NDUFAF6: variants seen among roughly 807,000 people sequenced by gnomAD.
The protein encoded by NDUFAF6 is NADH dehydrogenase (ubiquinone) complex I, assembly factor 6.
Under a neutral mutation model 40.8 loss-of-function variants are expected in NDUFAF6, and 45 were observed. That is an observed-to-expected ratio of 1.10 (90% CI 0.87 to 1.42). NDUFAF6 has a LOEUF of 1.42. NDUFAF6 is among the 40% of genes most tolerant of loss of function. NDUFAF6 has a pLI of 0.00. For missense variants in NDUFAF6, 435 were observed against 418.5 expected (o/e 1.04, Z -0.34); for synonymous variants, 185 against 155.9 (o/e 1.19, Z -1.39).
intron 3 of NDUFAF6, among the ~76,000 whole-genome samples, chr8:95,038,401 C>T (rs560957253): frequency 6.6e-6 from 1 of 151,660 alleles, no homozygotes; most frequent in Non-Finnish European, 1.5e-5. Flanking sequence ...GACAGAGTCT[C>T]ACTCTGTCAC....
rs1197992947 is a variant in NDUFAF6, at chr8:95,006,542, A to G, written c.-83-25453A>G. ...ACATTTACAGCTTTACAGACATGCTATTGTTATAAGTTTACCAAGGCAAGC... is the reference window on the plus strand; with the variant it reads ...ACATTTACAGCTTTACAGACATGCTGTTGTTATAAGTTTACCAAGGCAAGC... On this transcript the variant is annotated intron_variant, in intron 2 of 9. Transcript: ENST00000396111. 2.6e-5 allele frequency among the ~76,000 whole-genome samples: 4 copies of G among 152,078 alleles called. No homozygotes were observed. In the East Asian group the frequency reaches 5.8e-4, roughly 22 times the overall value.
At chr8:95,068,195 C>T (rs1016922091) in intron 9 of NDUFAF6, 3 of 151,820 alleles carry the variant, frequency 2.0e-5, no homozygotes, top group African/African-American at 4.9e-5. Context: ...ATCGCAAAGT[C>T]CCTGGCCAGT....
In NDUFAF6 at chr8:94,940,059, T is replaced by C. The variant is rs374997492; in HGVS notation, c.-935-5424T>C. On this transcript the variant is annotated intron_variant, in intron 1 of 14. Coordinates refer to the NDUFAF6 transcript ENST00000396113. Reference sequence around the variant, plus strand: ...GGGGTGATAAACCAGCTCTCCTCCATTGGACATGACTCAAACTGGAGAAAG... The same window carrying C: ...GGGGTGATAAACCAGCTCTCCTCCACTGGACATGACTCAAACTGGAGAAAG... The C allele has an allele frequency of 3.2e-5, 52 of 1,614,224 alleles. No homozygotes were observed. The highest frequency in any genetic ancestry group is 3.3e-4 in the Middle Eastern group (2 of 6,062).
At chr8:95,081,029 C>A (rs548955491), downstream of NDUFAF6, among the ~76,000 whole-genome samples, 81 of 151,976 alleles carry the variant, frequency 5.3e-4, no homozygotes, top group Non-Finnish European at 9.3e-4. Flanking sequence ...TCTACAAATA[C>A]TGAGCCTGCA....
intron 1 of NDUFAF6, among the ~76,000 whole-genome samples, chr8:94,980,546 C>A (rs1298935071): frequency 7.1e-6 from 1 of 141,786 alleles, no homozygotes; most frequent in Admixed American, 7.5e-5. Context: ...TGGCTCCAAG[C>A]AATTCTCCAG....
chr8:95,056,440 T>G (rs547478459), intron 8 of NDUFAF6, among the ~76,000 whole-genome samples: 3 of 152,022 alleles, frequency 2.0e-5, no homozygotes, highest in Non-Finnish European at 4.4e-5. Context: ...CTTGAACTCT[T>G]GAGCTCAAAC....
chr8:94,905,062 C>T (rs9643351), intron 1 of NDUFAF6, among the ~76,000 whole-genome samples: 93,794 of 151,322 alleles, frequency 0.62, 29,760 homozygotes, highest in East Asian at 0.79. Flanking sequence ...TATCTGGGCC[C>T]GGTGGTGCAT....
At chr8:95,003,641 C>T (rs1425911926) in intron 2 of NDUFAF6, among the ~76,000 whole-genome samples, 3 of 152,298 alleles carry the variant, frequency 2.0e-5, no homozygotes, top group Non-Finnish European at 2.9e-5. Context: ...ACCATCTTTC[C>T]ATTGGCGAGT....
chr8:94,938,673 G>A (rs142505935), intron 1 of NDUFAF6, among the ~76,000 whole-genome samples: 2,372 of 152,348 alleles, frequency 0.016, 24 homozygotes, highest in Non-Finnish European at 0.018. Flanking sequence ...TGAGTTCAGG[G>A]AGCCTCTGGA....
chr8:95,095,809 C>T (rs1162707687), upstream of NDUFAF6, among the ~76,000 whole-genome samples: 8 of 151,864 alleles, frequency 5.3e-5, no homozygotes, highest in African/African-American at 1.2e-4. Flanking sequence ...AGATTACAGG[C>T]GCCTGCCACC....
intron 1 of NDUFAF6, among the ~76,000 whole-genome samples, chr8:94,907,835 C>T (rs1818491371): frequency 6.6e-6 from 1 of 152,082 alleles, no homozygotes; most frequent in African/African-American, 2.4e-5. Context: ...TGACACATCC[C>T]TCAGGAGGTC....
At chr8:95,006,268 T>C (rs900198123) in intron 2 of NDUFAF6, among the ~76,000 whole-genome samples, 2 of 145,912 alleles carry the variant, frequency 1.4e-5, no homozygotes, top group Admixed American at 7.1e-5. Context: ...TGAGGCAGAA[T>C]TGCTTGAACC....
chr8:94,914,642 T>C (rs1419116267), intron 1 of NDUFAF6, among the ~76,000 whole-genome samples: 1 of 152,188 alleles, frequency 6.6e-6, no homozygotes, highest in African/African-American at 2.4e-5. Context: ...CTAAGGTTCT[T>C]GGCTGGGCAC....
At chr8:94,997,999 C>G (rs994387153) in intron 2 of NDUFAF6, among the ~76,000 whole-genome samples, 2 of 152,202 alleles carry the variant, frequency 1.3e-5, no homozygotes, top group African/African-American at 4.8e-5. Context: ...CCATCTGCCT[C>G]TTACACCTGG....
intron 2 of NDUFAF6, chr8:95,088,014 C>T (rs1171640608): frequency 6.6e-6 from 1 of 152,360 alleles, no homozygotes; most frequent in African/African-American, 2.4e-5. Context: ...ATAAACTCTT[C>T]TTGGCAGCAC....
intron 1 of NDUFAF6, among the ~76,000 whole-genome samples, chr8:95,029,510 A>G (rs1480535787): frequency 1.3e-5 from 2 of 152,332 alleles, no homozygotes; most frequent in East Asian, 3.9e-4. Context: ...AAAATCAGGA[A>G]ATTAAAATTG....
At chr8:94,998,916 G>A (rs925408672) in intron 2 of NDUFAF6, among the ~76,000 whole-genome samples, 9 of 152,138 alleles carry the variant, frequency 5.9e-5, no homozygotes, top group Non-Finnish European at 1.2e-4. Flanking sequence ...GGTTTGTTAC[G>A]GTTGGAGAGC....
intron 1 of NDUFAF6, chr8:94,930,706 C>G (rs1385688250): frequency 6.2e-7 from 1 of 1,614,048 alleles, no homozygotes; most frequent in South Asian, 1.1e-5. Context: ...ATATGCTGCC[C>G]CATTTCATTT....
chr8:95,099,451 G>T (rs188198507), upstream of NDUFAF6, among the ~76,000 whole-genome samples: 11 of 151,998 alleles, frequency 7.2e-5, no homozygotes, highest in Non-Finnish European at 1.2e-4. Flanking sequence ...GTTCATGTAA[G>T]GGGTTGAGCG....
Sources: gnomAD v4.1 joint callset for allele counts (sites outside exome capture counted in the v4.1 genomes callset) on GRCh38, gnomAD v4.1.1 for gene constraint, MANE v1.5 for transcripts, NCBI Gene and HGNC (gene_info 2026-07-23, HGNC 2026-07-21) for gene names.